Variants in MAN1C1 observed in about 807,000 individuals in gnomAD.
MAN1C1 encodes the protein mannosidase alpha class 1C member 1.
In MAN1C1, 49 loss-of-function variants were observed where a neutral mutation model predicts 71.5. The ratio of observed to expected loss-of-function variants is 0.69; its 90% confidence interval spans 0.54 to 0.87. The LOEUF (loss-of-function observed/expected upper bound fraction) is 0.87, where lower values mean the gene tolerates loss of function less well. Among genes scored for constraint, MAN1C1 ranks in the 40% least tolerant of loss-of-function variants. MAN1C1 has a pLI of 0.00. For missense variants in MAN1C1, 743 were observed against 835.0 expected, an observed-to-expected ratio of 0.89 and a Z score of 1.36; for synonymous variants, 352 against 343.7, an observed-to-expected ratio of 1.02 and a Z score of -0.27.
At chr1:25,690,024 C>T (rs1427279475) in intron 2 of MAN1C1, among the ~76,000 whole-genome samples, 2 of 152,216 alleles carry the variant, frequency 1.3e-5, no homozygotes, top group Admixed American at 1.3e-4. Flanking sequence ...TGGTGTGGCA[C>T]TTCACCAAGT....
At chr1:25,675,333 A>G (rs2046049196) in intron 1 of MAN1C1, among the ~76,000 whole-genome samples, 1 of 152,094 alleles carries the variant, frequency 6.6e-6, no homozygotes, top group Admixed American at 6.5e-5. Flanking sequence ...GAGAATATAC[A>G]ATATTTAGTT....
intron 2 of MAN1C1, among the ~76,000 whole-genome samples, chr1:25,720,831 C>T (rs566210249): frequency 1.3e-5 from 2 of 152,060 alleles, no homozygotes; most frequent in East Asian, 1.9e-4. Flanking sequence ...TGACTCATTT[C>T]GAGTTTATTT....
At chr1:25,767,511 C>T (rs2047451449) in intron 7 of MAN1C1, among the ~76,000 whole-genome samples, 1 of 142,892 alleles carries the variant, frequency 7.0e-6, no homozygotes, top group Non-Finnish European at 1.5e-5. Context: ...CTCACACACA[C>T]ATTACATACT....
intron 5 of MAN1C1, among the ~76,000 whole-genome samples, chr1:25,755,810 C>A (rs778300503): frequency 2.0e-5 from 3 of 152,222 alleles, no homozygotes; most frequent in Non-Finnish European, 2.9e-5. Flanking sequence ...GGAGCAGCCC[C>A]TCCTGCCAGG....
At chr1:25,641,531 C>T (rs887174686) in intron 1 of MAN1C1, among the ~76,000 whole-genome samples, 2 of 152,158 alleles carry the variant, frequency 1.3e-5, no homozygotes, top group African/African-American at 4.8e-5. Context: ...GGGTATCTAC[C>T]CTTTATTGCA....
chr1:25,639,748 T>A (rs1355714550), intron 1 of MAN1C1, among the ~76,000 whole-genome samples: 2 of 152,232 alleles, frequency 1.3e-5, no homozygotes, highest in Non-Finnish European at 2.9e-5. Flanking sequence ...CTTACTTATT[T>A]TTTTGTAATT....
chr1:25,722,039 CGA>C (rs1272465823), intron 2 of MAN1C1, among the ~76,000 whole-genome samples: 2 of 152,176 alleles, frequency 1.3e-5, no homozygotes, highest in Admixed American at 1.3e-4. Context: ...CACGCTTAAT[CGA>C]TAATTAGGCT....
intron 3 of MAN1C1, among the ~76,000 whole-genome samples, chr1:25,748,723 C>T (rs1052494552): frequency 2.6e-5 from 4 of 152,222 alleles, no homozygotes; most frequent in African/African-American, 7.2e-5. Context: ...CTGTGCGCTC[C>T]GAGCTGAGGG....
rs74060831 is a variant in MAN1C1 at position 25,780,904 on chromosome 1, G to A, written c.1478-36G>A. On this transcript the variant is annotated intron_variant, in intron 9 of 11. Coordinates refer to ENST00000374332, the MANE Select transcript of MAN1C1 (RefSeq NM_020379.4). ...GATCCCGAAAAGCAGGAGGTGGGAG[G>A]TCTGACCTGGGCCCTCTGCTTGGCT... is the stretch of plus-strand genomic sequence containing the variant. The A allele has an allele frequency of 4.3e-4, 696 of 1,604,018 alleles. 4 individuals are homozygous for A. The African/African-American group carries it at 6.4e-3, about 15-fold the overall frequency.
intron 2 of MAN1C1, among the ~76,000 whole-genome samples, chr1:25,719,383 T>C (rs1441932590): frequency 1.3e-5 from 2 of 148,716 alleles, no homozygotes; most frequent in African/African-American, 2.5e-5. Context: ...CCAATACTTA[T>C]TATTTTTTAT....
intron 1 of MAN1C1, among the ~76,000 whole-genome samples, chr1:25,662,192 T>C (rs920350979): frequency 2.0e-5 from 3 of 152,238 alleles, no homozygotes; most frequent in African/African-American, 7.2e-5. Context: ...CAGGGACCCA[T>C]GTCTGTCCTG....
rs533858228 is a variant in MAN1C1, at chr1:25,711,261, A to C, written c.637+24725A>C. Among the ~76,000 whole-genome samples, 1 of 152,306 alleles carries C rather than the reference A, an allele frequency of 6.6e-6. No homozygotes were observed. Among genetic ancestry groups the C allele is most frequent in the South Asian group, 2.1e-4 (1 of 4,834 alleles). On this transcript the variant is annotated intron_variant, in intron 2 of 11. Transcript: ENST00000374332. This position sits in a 1 kb window ranked among gnomAD's most constrained non-coding sequence, Gnocchi z 4.3. ...AAGTTAATTGGCCAGCCTGGACACAAGGAGTGAAGAGAGAGACTCCATCTC... is the reference window on the plus strand; with the variant it reads ...AAGTTAATTGGCCAGCCTGGACACACGGAGTGAAGAGAGAGACTCCATCTC...
intron 7 of MAN1C1, among the ~76,000 whole-genome samples, chr1:25,768,450 T>TAC (rs2047488332): frequency 1.5e-5 from 1 of 68,554 alleles, no homozygotes; most frequent in African/African-American, 5.6e-5. Context: ...CTCACACACA[T>TAC]CCACACTCCC....
intron 1 of MAN1C1, among the ~76,000 whole-genome samples, chr1:25,661,615 T>C (rs2045850264): frequency 6.6e-6 from 1 of 152,124 alleles, no homozygotes; most frequent in African/African-American, 2.4e-5. Context: ...TGTGCATAGC[T>C]GGGAACTCGA....
intron 2 of MAN1C1, among the ~76,000 whole-genome samples, chr1:25,720,263 G>A (rs2046745808): frequency 6.6e-6 from 1 of 151,004 alleles, no homozygotes. Context: ...CCAGGCTGGA[G>A]TGCAGTGGTG....
intron 7 of MAN1C1, among the ~76,000 whole-genome samples, chr1:25,767,827 TCA>T (rs1385755641): frequency 7.1e-5 from 7 of 99,026 alleles, no homozygotes; most frequent in African/African-American, 3.0e-4. Flanking sequence ...CACACTCCCC[TCA>T]CACACACTAC....
At chr1:25,780,853 G>A (rs2047682919) in intron 9 of MAN1C1, 87 bp from the exon 10 acceptor site, 10 of 1,448,220 alleles carry the variant, frequency 6.9e-6, no homozygotes, top group Non-Finnish European at 9.5e-6. Context: ...CTGGCCGCGG[G>A]TTCAAGGCAA....
intron 2 of MAN1C1, among the ~76,000 whole-genome samples, chr1:25,733,807 TA>T (rs201155185): frequency 0.018 from 2,770 of 151,810 alleles, 84 homozygotes; most frequent in African/African-American, 0.062. Context: ...TTTTTATTTT[TA>T]TTTTTTTTTG....
At position 25,631,216 on chromosome 1, in the gene MAN1C1, C is replaced by T. The variant is rs2045374949; in HGVS notation, c.540+12879C>T. Reference sequence around the variant, plus strand: ...CTCCTGAGCTTAGGCAGTCCACCCGCCTCAGCCTCCCAAAGTGCTAGGATT... The same window carrying T: ...CTCCTGAGCTTAGGCAGTCCACCCGTCTCAGCCTCCCAAAGTGCTAGGATT... On this transcript the variant is annotated intron_variant, in intron 1 of 11. Coordinates refer to ENST00000374332, the MANE Select transcript of MAN1C1 (RefSeq NM_020379.4). This position sits in a 1 kb window ranked among gnomAD's most constrained non-coding sequence, Gnocchi z 4.2. Among the ~76,000 whole-genome samples, 1 of 152,166 alleles carries T rather than the reference C, an allele frequency of 6.6e-6. No individual in the cohort carries two copies. Among genetic ancestry groups the T allele is most frequent in the Non-Finnish European group, 1.5e-5 (1 of 68,042 alleles).
Sources: allele counts gnomAD v4.1 joint callset (sites outside exome capture counted in the v4.1 genomes callset), GRCh38; gene constraint gnomAD v4.1.1; non-coding constraint Gnocchi (gnomAD v3.1); transcripts MANE v1.5; gene names NCBI Gene and HGNC (gene_info 2026-07-23, HGNC 2026-07-21).